COL28A1: variants seen among roughly 807,000 people sequenced by gnomAD.
COL28A1 encodes collagen alpha-1(XXVIII) chain.
COL28A1 carries 161 observed loss-of-function variants against 150.2 expected under a neutral mutation model. The ratio of observed to expected loss-of-function variants is 1.07; its 90% CI spans 0.94 to 1.22. The LOEUF (loss-of-function observed/expected upper bound fraction) is 1.22, where lower values mean the gene tolerates loss of function less well. Among genes scored for constraint, COL28A1 ranks in the 50% most tolerant of loss-of-function variants. COL28A1 has a pLI of 0.00. For synonymous variants in COL28A1, 552 were observed against 469.7 expected, an observed-to-expected ratio of 1.18 and a Z score of -2.26; for missense variants, 1,617 against 1,388.3, an observed-to-expected ratio of 1.16 and a Z score of -2.62.
rs1784703577 is a variant in COL28A1, at chr7:7,427,389, G to C, written c.1998+5084C>G. 2.0e-5 allele frequency among the ~76,000 whole-genome samples: 3 copies of C among 152,274 alleles called. No individual in the cohort carries two copies. In the South Asian group the frequency reaches 6.2e-4, roughly 32 times the overall value. On this transcript the variant is annotated intron_variant, in intron 25 of 34. Transcript: ENST00000399429. The stretch of plus-strand genomic sequence containing the variant: ...GGTGGCTTTCTTCAAGTCCACTTTG[G>C]AATTACATGCCCTTAACTTCATTAA...
chr7:7,365,645 A>G (rs897312894), intron 33 of COL28A1, among the ~76,000 whole-genome samples: 1 of 152,220 alleles, frequency 6.6e-6, no homozygotes, highest in African/African-American at 2.4e-5. Flanking sequence ...AGAATTTTGC[A>G]TATATTACAA....
intron 21 of COL28A1, among the ~76,000 whole-genome samples, chr7:7,440,570 T>G (rs922408174): frequency 6.6e-6 from 1 of 152,216 alleles, no homozygotes; most frequent in African/African-American, 2.4e-5. Context: ...ATTAGGAACA[T>G]AAGTATTTCT....
intron 27 of COL28A1, among the ~76,000 whole-genome samples, chr7:7,411,483 C>T (rs895131108): frequency 1.3e-5 from 2 of 152,268 alleles, no homozygotes; most frequent in South Asian, 2.1e-4. Context: ...TATTCTCCTT[C>T]AGGAGCCTAA....
intron 9 of COL28A1, among the ~76,000 whole-genome samples, chr7:7,508,465 C>T (rs1008028636): frequency 1.1e-4 from 16 of 152,204 alleles, no homozygotes; most frequent in East Asian, 9.7e-4. Flanking sequence ...TAAGGTTCAC[C>T]GGCTGTCCTT....
downstream of COL28A1, among the ~76,000 whole-genome samples, chr7:7,352,348 C>CA (rs1177637086): frequency 2.0e-5 from 3 of 152,172 alleles, no homozygotes; most frequent in African/African-American, 4.8e-5. Context: ...ATAATGGCCC[C>CA]AGAGATGTCT....
chr7:7,417,436 G>A (rs1271724996), intron 27 of COL28A1, among the ~76,000 whole-genome samples: 1 of 145,250 alleles, frequency 6.9e-6, no homozygotes, highest in Non-Finnish European at 1.5e-5. Context: ...ATTCCACTGT[G>A]AGCTAAGATT....
intron 11 of COL28A1, among the ~76,000 whole-genome samples, chr7:7,495,395 C>G (rs936691069): frequency 2.6e-5 from 4 of 152,138 alleles, no homozygotes; most frequent in African/African-American, 4.8e-5. Flanking sequence ...GTACCATGAA[C>G]AGTACCAACA....
In COL28A1 at chr7:7,402,297, T is replaced by C. The variant is rs577051545; in HGVS notation, c.2136+15562A>G. Among the ~76,000 whole-genome samples the C allele has an allele frequency of 2.3e-3, 352 of 152,352 alleles. 5 individuals are homozygous for C. The highest frequency in any genetic ancestry group is 5.0e-3 in the Admixed American group (77 of 15,298). On this transcript the variant is annotated intron_variant, in intron 27 of 34. Coordinates refer to ENST00000399429, the MANE Select transcript of COL28A1 (RefSeq NM_001037763.3). ...GGCTTGTTGCAATGTCATTATCTTATGCAATAAGAAGAGATAAATTATAAA... is the reference window on the plus strand; with the variant it reads ...GGCTTGTTGCAATGTCATTATCTTACGCAATAAGAAGAGATAAATTATAAA...
At chr7:7,495,332 C>T (rs1464179457) in intron 11 of COL28A1, among the ~76,000 whole-genome samples, 1 of 152,064 alleles carries the variant, frequency 6.6e-6, no homozygotes, top group Non-Finnish European at 1.5e-5. Flanking sequence ...CATGTGGCTA[C>T]CTTATTGGGC....
At chr7:7,348,291 G>A in the COL28A1 span, among the ~76,000 whole-genome samples, 1 of 152,020 alleles carries the variant, frequency 6.6e-6, no homozygotes, top group African/African-American at 2.4e-5. Context: ...GGGAGGTGAA[G>A]AGCTCCATCC....
At chr7:7,522,718 T>A (rs1781792326) in intron 4 of COL28A1, among the ~76,000 whole-genome samples, 1 of 149,554 alleles carries the variant, frequency 6.7e-6, no homozygotes. Context: ...GGGTGTCTAA[T>A]CTTTTGGCTT....
chr7:7,356,193 A>G (rs1004237483), downstream of COL28A1: 1 of 152,220 alleles, frequency 6.6e-6, no homozygotes, highest in African/African-American at 2.4e-5. Context: ...GTATGACACC[A>G]TTGACACCAT....
At chr7:7,370,656 T>C in intron 33 of COL28A1, 69 bp downstream of exon 33, 2 of 1,330,712 alleles carry the variant, frequency 1.5e-6, no homozygotes, top group Admixed American at 2.1e-5. Context: ...CAGGGCAGAA[T>C]GATCTTTGAT....
Position 7,357,968 on chromosome 7 carries a change from G to A in COL28A1, c.*665C>T, listed in dbSNP as rs12702610. On this transcript the variant is annotated 3_prime_UTR_variant, in exon 35 of 35. Coordinates refer to ENST00000399429, the MANE Select transcript of COL28A1 (RefSeq NM_001037763.3). Reference sequence around the variant, plus strand: ...ATGGAAGGGTATAAAAACCTTCTTTGTTTTAACATACATTAAACACTTGTT... The same window carrying A: ...ATGGAAGGGTATAAAAACCTTCTTTATTTTAACATACATTAAACACTTGTT... The A allele has an allele frequency of 0.75, 113,366 of 150,746 alleles. 42,907 individuals carry two copies. Among genetic ancestry groups the A allele is most frequent in the East Asian group, 0.88 (4,503 of 5,144 alleles). The allele number at this position is 150,746 out of a possible 1,614,324, so 9.3% of individuals were successfully genotyped here. A position where few individuals can be genotyped will look rare whatever the true frequency, so the allele number is the denominator to read the frequency against.
intron 15 of COL28A1, among the ~76,000 whole-genome samples, chr7:7,462,263 C>T (rs1191325619): frequency 6.6e-6 from 1 of 152,126 alleles, no homozygotes; most frequent in Non-Finnish European, 1.5e-5. Context: ...TCTGACAGGG[C>T]CTACCCAAAT....
intron 25 of COL28A1, among the ~76,000 whole-genome samples, chr7:7,424,629 C>A (rs1165306857): frequency 6.6e-6 from 1 of 152,076 alleles, no homozygotes; most frequent in Non-Finnish European, 1.5e-5. Context: ...GACGTGCGAG[C>A]AAATTCTAGA....
intron 27 of COL28A1, among the ~76,000 whole-genome samples, chr7:7,386,771 C>T (rs1782209815): frequency 6.6e-6 from 1 of 152,118 alleles, no homozygotes; most frequent in African/African-American, 2.4e-5. Flanking sequence ...TGGTGCTAGC[C>T]TGGGAAGGGA....
chr7:7,535,901 T>A (rs1187309054), upstream of COL28A1: 1 of 152,216 alleles, frequency 6.6e-6, no homozygotes, highest in African/African-American at 2.4e-5. Flanking sequence ...AGTCTTTTGT[T>A]CATGTTTATT....
At chr7:7,384,671 G>A (rs1782078639) in intron 27 of COL28A1, among the ~76,000 whole-genome samples, 1 of 152,104 alleles carries the variant, frequency 6.6e-6, no homozygotes, top group African/African-American at 2.4e-5. Context: ...GCATCCACTG[G>A]GAATATCGGA....
Sources: gnomAD v4.1 joint callset for allele counts (sites outside exome capture counted in the v4.1 genomes callset) on GRCh38, gnomAD v4.1.1 for gene constraint, MANE v1.5 for transcripts, NCBI Gene and HGNC (gene_info 2026-07-23, HGNC 2026-07-21) for gene names.